The following MTAP variants were observed in gnomAD, a reference collection of about 807,000 sequenced individuals.
MTAP encodes methylthioadenosine phosphorylase.
Under a neutral mutation model 33.6 loss-of-function variants are expected in MTAP, and 33 were observed. That is an observed-to-expected ratio of 0.98 (90% CI 0.74 to 1.31). The LOEUF (loss-of-function observed/expected upper bound fraction) is 1.31, where lower values mean the gene tolerates loss of function less well. Among genes scored for constraint, MTAP ranks in the 40% most tolerant of loss-of-function variants. MTAP has a pLI of 0.00. For missense variants in MTAP, 367 were observed against 360.0 expected (o/e 1.02, Z -0.16); for synonymous variants, 148 against 125.7 (o/e 1.18, Z -1.19).
intron 1 of MTAP, among the ~76,000 whole-genome samples, chr9:21,908,462 G>A (rs534677250): frequency 6.6e-6 from 1 of 152,240 alleles, no homozygotes; most frequent in South Asian, 2.1e-4. Context: ...ATTTCTATGA[G>A]ATAAATGCCC....
chr9:21,849,724 A>T (rs1447763425), intron 5 of MTAP, among the ~76,000 whole-genome samples: 1 of 152,222 alleles, frequency 6.6e-6, no homozygotes. Flanking sequence ...TTCCTACCAC[A>T]TCCCCATTTA....
At chr9:21,840,262 A>G (rs1825211323) in intron 5 of MTAP, among the ~76,000 whole-genome samples, 1 of 152,050 alleles carries the variant, frequency 6.6e-6, no homozygotes, top group Non-Finnish European at 1.5e-5. Flanking sequence ...GCTAACGTGC[A>G]GCTTCCACAA....
chr9:21,883,183 A>T (rs187512017), intron 1 of MTAP, among the ~76,000 whole-genome samples: 2 of 152,160 alleles, frequency 1.3e-5, no homozygotes, highest in Non-Finnish European at 2.9e-5. Flanking sequence ...CAAATCACTG[A>T]CAAAAAGGCA....
chr9:21,887,493 T>C (rs1473746840), intron 1 of MTAP, among the ~76,000 whole-genome samples: 5 of 152,116 alleles, frequency 3.3e-5, no homozygotes, highest in Non-Finnish European at 7.4e-5. Context: ...TGCCACATTT[T>C]CTTAATCCAG....
chr9:21,877,853 T>C (rs1826033657), intron 1 of MTAP, among the ~76,000 whole-genome samples: 1 of 152,110 alleles, frequency 6.6e-6, no homozygotes, highest in African/African-American at 2.4e-5. Context: ...ACTTTGTTAT[T>C]AGGATGATAC....
intron 1 of MTAP, among the ~76,000 whole-genome samples, chr9:21,899,052 C>G (rs1453048950): frequency 6.6e-6 from 1 of 151,858 alleles, no homozygotes; most frequent in Non-Finnish European, 1.5e-5. Context: ...ACTATGCAGC[C>G]ATAAAAAAGG....
chr9:21,911,174 T>G (rs1287402922), intron 1 of MTAP, among the ~76,000 whole-genome samples: 1 of 152,140 alleles, frequency 6.6e-6, no homozygotes, highest in Non-Finnish European at 1.5e-5. Flanking sequence ...TCCCACACAG[T>G]AATAATGGGA....
At chr9:21,909,785 A>G (rs942005709) in intron 1 of MTAP, among the ~76,000 whole-genome samples, 1 of 152,208 alleles carries the variant, frequency 6.6e-6, no homozygotes, top group Admixed American at 6.5e-5. Flanking sequence ...AACTATTTTT[A>G]TTCTCACAAT....
intron 4 of MTAP, among the ~76,000 whole-genome samples, chr9:21,831,380 G>A (rs143798936): frequency 2.5e-3 from 384 of 152,112 alleles, no homozygotes; most frequent in African/African-American, 6.7e-3. Context: ...TCTGTTGCCC[G>A]GGGTAGAGTG....
At chr9:21,847,690 A>T (rs930150308) in intron 5 of MTAP, among the ~76,000 whole-genome samples, 2 of 152,320 alleles carry the variant, frequency 1.3e-5, no homozygotes, top group African/African-American at 4.8e-5. Context: ...GGACAAAGTG[A>T]TGAAAGAAAA....
At chr9:21,849,063 A>C (rs1340774452) in intron 5 of MTAP, among the ~76,000 whole-genome samples, 1 of 147,940 alleles carries the variant, frequency 6.8e-6, no homozygotes, top group African/African-American at 2.5e-5. Context: ...TCTAGGTCAA[A>C]TGGACAAAAA....
At chr9:21,896,046 A>G (rs1197891881) in intron 1 of MTAP, among the ~76,000 whole-genome samples, 1 of 152,218 alleles carries the variant, frequency 6.6e-6, no homozygotes, top group Non-Finnish European at 1.5e-5. Flanking sequence ...AAGAACAGAA[A>G]TTATAACAAA....
At chr9:21,899,137 A>G (rs1818345953) in intron 1 of MTAP, among the ~76,000 whole-genome samples, 1 of 151,324 alleles carries the variant, frequency 6.6e-6, no homozygotes, top group African/African-American at 2.4e-5. Context: ...CCAAGGACAG[A>G]AAACCAAACA....
intron 1 of MTAP, among the ~76,000 whole-genome samples, chr9:21,906,222 C>G (rs1345753516): frequency 6.6e-6 from 1 of 151,768 alleles, no homozygotes; most frequent in Admixed American, 6.6e-5. Context: ...ATTATCAGCT[C>G]AAATTTCCAA....
intron 1 of MTAP, among the ~76,000 whole-genome samples, chr9:21,807,572 C>T (rs1824240451): frequency 1.3e-5 from 2 of 152,170 alleles, no homozygotes; most frequent in Admixed American, 1.3e-4. Context: ...GCCAGTAGCA[C>T]TCCCCCTAGT....
At position 21,866,838 on chromosome 9, in the gene MTAP, A is replaced by C. The variant is rs1825860838; in HGVS notation, c.*4824A>C. The C allele has an allele frequency of 2.0e-5, 3 of 152,116 alleles. No individual in the cohort carries two copies. The highest frequency in any genetic ancestry group is 7.2e-5 in the African/African-American group (3 of 41,454). 9.4% of individuals were successfully genotyped at this position (152,116 alleles called of 1,614,324 possible). ...CAATATTGAACCTTTCAATCGATGG[A>C]CATGGTATGTTTCTGCATTTATTTG... On this transcript the variant is annotated 3_prime_UTR_variant, in exon 8 of 8. Coordinates refer to ENST00000644715, the MANE Select transcript of MTAP (RefSeq NM_002451.4).
intron 6 of MTAP, chr9:21,856,049 C>G (rs1587251583): frequency 2.0e-6 from 1 of 489,254 alleles, no homozygotes; most frequent in Non-Finnish European, 2.7e-6. Flanking sequence ...ATGATTACCT[C>G]TTGTCTCTTT....
At chr9:21,889,998 A>G (rs946161701) in intron 1 of MTAP, among the ~76,000 whole-genome samples, 1 of 152,156 alleles carries the variant, frequency 6.6e-6, no homozygotes, top group African/African-American at 2.4e-5. Flanking sequence ...GAAAGACCAT[A>G]GAGCTCCCAA....
At chr9:21,893,987 T>C (rs533489522) in intron 1 of MTAP, 1 of 151,384 alleles carries the variant, frequency 6.6e-6, no homozygotes, top group East Asian at 1.9e-4. Context: ...TGAACATGTA[T>C]ACAAAAATAC....
Sources: gnomAD v4.1 joint callset for allele counts (sites outside exome capture counted in the v4.1 genomes callset) on GRCh38, gnomAD v4.1.1 for gene constraint, MANE v1.5 for transcripts, NCBI Gene and HGNC (gene_info 2026-07-23, HGNC 2026-07-21) for gene names.